Variants in MTX2 observed in about 807,000 individuals in gnomAD.
The protein encoded by MTX2 is metaxin-2.
MTX2 carries 35 observed loss-of-function variants against 42.3 expected under a neutral mutation model. That is an observed-to-expected ratio of 0.83 (90% CI 0.63 to 1.10). The LOEUF (loss-of-function observed/expected upper bound fraction) is 1.10, where lower values mean the gene tolerates loss of function less well. Ranked by LOEUF, MTX2 falls within the 50% of genes least tolerant of loss-of-function variation. The pLI, the probability that MTX2 is intolerant of heterozygous loss-of-function variation, is 0.00. For synonymous variants in MTX2, 119 were observed against 100.9 expected (o/e 1.18, Z -1.08); for missense variants, 307 against 304.1 (o/e 1.01, Z -0.07).
intron 1 of MTX2, among the ~76,000 whole-genome samples, chr2:176,273,871 T>C (rs1482183632): frequency 6.6e-6 from 1 of 152,042 alleles, no homozygotes; most frequent in African/African-American, 2.4e-5. Context: ...ACTGCAAGCC[T>C]CAGTGGGTTT....
intron 3 of MTX2, among the ~76,000 whole-genome samples, chr2:176,316,303 T>C (rs554270160): frequency 6.6e-6 from 1 of 152,312 alleles, no homozygotes; most frequent in Non-Finnish European, 1.5e-5. Flanking sequence ...TCAGTAGCCC[T>C]TATTAGAGAT....
intron 3 of MTX2, among the ~76,000 whole-genome samples, chr2:176,307,665 A>G (rs182167605): frequency 1.9e-4 from 29 of 152,280 alleles, no homozygotes; most frequent in African/African-American, 6.5e-4. Flanking sequence ...CTGTGTAGCA[A>G]TTGTGAATGG....
chr2:176,310,655 G>A (rs752637382), intron 3 of MTX2, among the ~76,000 whole-genome samples: 1 of 151,694 alleles, frequency 6.6e-6, no homozygotes, highest in Non-Finnish European at 1.5e-5. Flanking sequence ...TTTGATCTTC[G>A]ATCACTGATA....
rs376862104 is a variant in MTX2 at position 176,311,400 on chromosome 2, C to T, written c.136-11992C>T. ...AGGCATTGTGTCTGTTCTCAGAGCTCAAACGCTGTGGTGGGAGAACCACTG... is the reference window on the plus strand; with the variant it reads ...AGGCATTGTGTCTGTTCTCAGAGCTTAAACGCTGTGGTGGGAGAACCACTG... On this transcript the variant is annotated intron_variant, in intron 3 of 9. Coordinates refer to ENST00000249442, the MANE Select transcript of MTX2 (RefSeq NM_006554.5). 7.1e-4 allele frequency among the ~76,000 whole-genome samples: 108 copies of T among 152,324 alleles called. 1 individual carries two copies. In the South Asian group the frequency reaches 0.021, roughly 30 times the overall value.
intron 9 of MTX2, among the ~76,000 whole-genome samples, chr2:176,334,192 G>A (rs1474454781): frequency 6.6e-6 from 1 of 151,720 alleles, no homozygotes; most frequent in Non-Finnish European, 1.5e-5. Flanking sequence ...TCTCATTTGA[G>A]CATACATTGA....
intron 1 of MTX2, chr2:176,270,165 A>G (rs1692768702): frequency 6.1e-6 from 2 of 328,686 alleles, no homozygotes; most frequent in Non-Finnish European, 1.2e-5. Context: ...AGACTCTAGG[A>G]GTTATTTATT....
chr2:176,305,621 G>A (rs1308566610), intron 3 of MTX2, among the ~76,000 whole-genome samples: 1 of 152,100 alleles, frequency 6.6e-6, no homozygotes, highest in Non-Finnish European at 1.5e-5. Flanking sequence ...TTATTTATAT[G>A]TAATTATCAC....
In MTX2 at chr2:176,297,853, G is replaced by A. The variant is rs779753886; in HGVS notation, c.93G>A (p.Glu31=). ...NATLYQQLKG[E]QILLSDNAAS... ...TGCTTCATTGTATTTCCACAGGGGA[G>A]CAAATTTTACTTTCTGACAATGCAG... Residue 31 remains glutamate (E), a synonymous_variant, in exon 3 of 10, where the codon GAG becomes GAA. Transcript: ENST00000249442. 3 of 1,562,608 alleles carry A rather than the reference G, an allele frequency of 1.9e-6. No individual in the cohort carries two copies. Among genetic ancestry groups the A allele is most frequent in the Admixed American group, 3.5e-5 (2 of 56,732 alleles).
Position 176,297,066 on chromosome 2 carries a change from C to T in MTX2, c.88+159C>T, listed in dbSNP as rs1178786273. On this transcript the variant is annotated intron_variant, in intron 2 of 9. Coordinates refer to ENST00000249442, the MANE Select transcript of MTX2 (RefSeq NM_006554.5). ...AGGTTTTACCTGAACTTGTATCTGC[C>T]AGTGTAAACCAACTATTCATGGCCT... Among the ~76,000 whole-genome samples, 7 of 152,112 alleles carry T rather than the reference C, an allele frequency of 4.6e-5. No homozygotes were observed. The South Asian group carries it at 1.4e-3, about 31-fold the overall frequency.
At chr2:176,284,576 C>A (rs968577238) in intron 1 of MTX2, among the ~76,000 whole-genome samples, 3 of 152,164 alleles carry the variant, frequency 2.0e-5, no homozygotes, top group African/African-American at 7.2e-5. Context: ...CATGTTACCA[C>A]TTTGATTGCA....
intron 3 of MTX2, among the ~76,000 whole-genome samples, chr2:176,319,860 C>T (rs768130975): frequency 3.9e-5 from 6 of 152,034 alleles, no homozygotes; most frequent in Non-Finnish European, 7.4e-5. Flanking sequence ...AGGCATGAGC[C>T]AAAAATTTTT....
In MTX2 at chr2:176,325,055, G is replaced by A. The variant is rs181751509; in HGVS notation, c.208+1591G>A. Among the ~76,000 whole-genome samples the A allele has an allele frequency of 2.6e-5, 4 of 151,756 alleles. No individual in the cohort carries two copies. The East Asian group carries it at 7.7e-4, about 29-fold the overall frequency. ...CTTTAACTAATCCTTCTGTGACTTT[G>A]TCACATATTAACTATTTCCTTGAGA... On this transcript the variant is annotated intron_variant, in intron 4 of 9. Coordinates refer to ENST00000249442, the MANE Select transcript of MTX2 (RefSeq NM_006554.5).
chr2:176,270,203 T>G, intron 1 of MTX2: 1 of 349,396 alleles, frequency 2.9e-6, no homozygotes, highest in South Asian at 2.6e-5. Context: ...GGAGTTTCTC[T>G]TTTGTCACCG....
At chr2:176,285,112 CTG>C (rs1444066170) in intron 1 of MTX2, among the ~76,000 whole-genome samples, 1 of 152,198 alleles carries the variant, frequency 6.6e-6, no homozygotes, top group African/African-American at 2.4e-5. Context: ...TGTTCACTGA[CTG>C]TAGAGCAACA....
At chr2:176,319,005 C>T (rs114876090) in intron 3 of MTX2, among the ~76,000 whole-genome samples, 2,343 of 152,254 alleles carry the variant, frequency 0.015, 30 homozygotes, top group Non-Finnish European at 0.025. Context: ...TATTGGACAG[C>T]ATAGTTATAA....
intron 3 of MTX2, among the ~76,000 whole-genome samples, chr2:176,316,845 A>C (rs1172189262): frequency 6.6e-6 from 1 of 152,122 alleles, no homozygotes; most frequent in Non-Finnish European, 1.5e-5. Context: ...ATCCTTACAC[A>C]TATCTTGTAT....
chr2:176,284,639 T>C (rs1237323966), intron 1 of MTX2, among the ~76,000 whole-genome samples: 1 of 152,178 alleles, frequency 6.6e-6, no homozygotes, highest in East Asian at 1.9e-4. Flanking sequence ...TTGAACATTA[T>C]AAAATAGCAA....
Position 176,330,674 on chromosome 2 carries a change from CT to C in MTX2, c.620+20del, listed in dbSNP as rs1262305365. On this transcript the variant is annotated intron_variant, in intron 9 of 9. Coordinates refer to ENST00000249442, the MANE Select transcript of MTX2 (RefSeq NM_006554.5). ...CTTCAATAAGCAGTAAGAAATTTTA[CT>C]TTTTTAAAGTTAATTTTCTGTACTG... 6.3e-7 allele frequency: 1 copy of C among 1,580,598 alleles called. No individual in the cohort carries two copies. Among genetic ancestry groups the C allele is most frequent in the African/African-American group, 1.4e-5 (1 of 73,836 alleles).
chr2:176,302,965 C>T (rs1684061934), intron 3 of MTX2, among the ~76,000 whole-genome samples: 2 of 152,170 alleles, frequency 1.3e-5, no homozygotes, highest in Non-Finnish European at 2.9e-5. Flanking sequence ...TGATTACTGC[C>T]TTAGAGACAA....
Sources: gnomAD v4.1 joint callset for allele counts (sites outside exome capture counted in the v4.1 genomes callset) on GRCh38, gnomAD v4.1.1 for gene constraint, MANE v1.5 for transcripts, NCBI Gene and HGNC (gene_info 2026-07-23, HGNC 2026-07-21) for gene names.